Variants in TRDN observed in about 807,000 individuals in gnomAD.
The protein encoded by TRDN is triadin in skeletal muscle.
In TRDN, 161 loss-of-function variants were observed where a neutral mutation model predicts 149.7. The ratio of observed to expected loss-of-function variants is 1.08; its 90% confidence interval spans 0.95 to 1.23. The LOEUF (loss-of-function observed/expected upper bound fraction) is 1.23, where lower values mean the gene tolerates loss of function less well. TRDN is among the 50% of genes most tolerant of loss of function. TRDN has a pLI of 0.00. For missense variants in TRDN, 896 were observed against 823.5 expected, an observed-to-expected ratio of 1.09 and a Z score of -1.08; for synonymous variants, 294 against 250.5, an observed-to-expected ratio of 1.17 and a Z score of -1.64.
At chr6:123,611,041 A>T (rs1326739390) in intron 1 of TRDN, among the ~76,000 whole-genome samples, 3 of 152,266 alleles carry the variant, frequency 2.0e-5, no homozygotes, top group Non-Finnish European at 4.4e-5. Context: ...GAAAAATAAC[A>T]CAAGGGCCCA....
At chr6:123,583,308 G>T (rs9375270) in intron 1 of TRDN, among the ~76,000 whole-genome samples, 17,773 of 150,688 alleles carry the variant, frequency 0.12, 1,137 homozygotes, top group African/African-American at 0.17. Flanking sequence ...ACAAGTTTTT[G>T]GGGGGCACAG....
chr6:123,278,247 T>C (rs1582813770), intron 26 of TRDN, 71 bp downstream of exon 26: 1 of 1,065,638 alleles, frequency 9.4e-7, no homozygotes, highest in Non-Finnish European at 1.3e-6. Flanking sequence ...GACATGACAT[T>C]TGCAAAGAGA....
intron 9 of TRDN, among the ~76,000 whole-genome samples, chr6:123,492,140 T>C (rs899361310): frequency 6.6e-6 from 1 of 152,092 alleles, no homozygotes; most frequent in African/African-American, 2.4e-5. Context: ...CAGAGAAGAT[T>C]CTGATAGGTG....
intron 38 of TRDN, among the ~76,000 whole-genome samples, chr6:123,231,497 T>A (rs1775599583): frequency 6.6e-6 from 1 of 151,940 alleles, no homozygotes; most frequent in African/African-American, 2.4e-5. Context: ...GAATATAGAA[T>A]GTTCAATTGG....
intron 24 of TRDN, among the ~76,000 whole-genome samples, chr6:123,306,787 C>T (rs1406446676): frequency 1.3e-5 from 2 of 151,980 alleles, no homozygotes; most frequent in Non-Finnish European, 2.9e-5. Flanking sequence ...TCATGAATTG[C>T]TATTCTTTCT....
chr6:123,473,347 A>G (rs1400483053), intron 9 of TRDN, among the ~76,000 whole-genome samples: 1 of 152,060 alleles, frequency 6.6e-6, no homozygotes, highest in Non-Finnish European at 1.5e-5. Flanking sequence ...GGTATCAGCA[A>G]TGGAAGATGA....
intron 24 of TRDN, among the ~76,000 whole-genome samples, chr6:123,289,011 T>TG (rs35592999): frequency 1.4e-5 from 2 of 147,014 alleles, no homozygotes; most frequent in African/African-American, 5.1e-5. Context: ...TTTAAAAATG[T>TG]GGGGGGTGTG....
At chr6:123,609,357 C>G (rs910194032) in intron 1 of TRDN, among the ~76,000 whole-genome samples, 26 of 151,798 alleles carry the variant, frequency 1.7e-4, no homozygotes, top group African/African-American at 6.3e-4. Flanking sequence ...TCAGCATAAC[C>G]CCATTTTTGT....
At chr6:123,337,462 G>C (rs547542763) in intron 22 of TRDN, among the ~76,000 whole-genome samples, 157 bp downstream of exon 22, 2 of 151,782 alleles carry the variant, frequency 1.3e-5, no homozygotes, top group African/African-American at 4.8e-5. Context: ...AATAATTTTA[G>C]AGACAAACAA....
intron 7 of TRDN, among the ~76,000 whole-genome samples, chr6:123,507,195 G>T (rs1778970057): frequency 6.6e-6 from 1 of 151,770 alleles, no homozygotes; most frequent in African/African-American, 2.4e-5. Flanking sequence ...TAATTTGTAT[G>T]AAATTGTTAT....
rs529403860 is a variant in TRDN, at chr6:123,405,273, A to G, written c.1052-11596T>C. On this transcript the variant is annotated intron_variant, in intron 12 of 40. Transcript: ENST00000334268. ...AGCAAGTGAGTAAATGCTAGTACAA[A>G]AAAACAATTTCCCACATACTGTGGT... is the stretch of plus-strand genomic sequence containing the variant. Among the ~76,000 whole-genome samples the G allele has an allele frequency of 5.3e-5, 8 of 152,334 alleles. No individual in the cohort carries two copies. In the East Asian group the frequency reaches 1.4e-3, roughly 26 times the overall value.
intron 24 of TRDN, among the ~76,000 whole-genome samples, chr6:123,284,795 G>A (rs1428489132): frequency 3.3e-5 from 5 of 152,038 alleles, no homozygotes; most frequent in African/African-American, 1.2e-4. Context: ...CCCTAGAACT[G>A]ATAAATGAAT....
intron 38 of TRDN, among the ~76,000 whole-genome samples, chr6:123,251,509 C>T (rs1776371057): frequency 6.6e-6 from 1 of 151,742 alleles, no homozygotes; most frequent in African/African-American, 2.4e-5. Flanking sequence ...TAAAATATTA[C>T]TAAAATTATT....
intron 12 of TRDN, among the ~76,000 whole-genome samples, chr6:123,405,026 T>C (rs1446278912): frequency 6.6e-6 from 1 of 152,216 alleles, no homozygotes; most frequent in African/African-American, 2.4e-5. Flanking sequence ...AAGCTAAGGT[T>C]ACTGAATATT....
chr6:123,569,131 C>T (rs1021254174), intron 2 of TRDN, among the ~76,000 whole-genome samples: 1 of 152,190 alleles, frequency 6.6e-6, no homozygotes, highest in Non-Finnish European at 1.5e-5. Context: ...CCAGCAGATA[C>T]ACTACATCAT....
At chr6:123,344,131 G>A (rs1377698536) in intron 21 of TRDN, among the ~76,000 whole-genome samples, 1 of 151,902 alleles carries the variant, frequency 6.6e-6, no homozygotes, top group East Asian at 1.9e-4. Flanking sequence ...AAGTTTTGTT[G>A]TTTATAAGCC....
At chr6:123,366,275 G>T in intron 19 of TRDN, 93 bp from the exon 20 acceptor site, 2 of 1,281,334 alleles carry the variant, frequency 1.6e-6, no homozygotes, top group East Asian at 2.5e-5. Context: ...AAGATAAAAT[G>T]TATGTTGCAC....
At chr6:123,464,882 T>C in intron 10 of TRDN, 24 bp downstream of exon 10, 1 of 1,558,556 alleles carries the variant, frequency 6.4e-7, no homozygotes, top group South Asian at 1.2e-5. Context: ...AATAGAGATC[T>C]TTAAGAAAAA....
chr6:123,419,936 T>C (rs115417802), intron 12 of TRDN, among the ~76,000 whole-genome samples: 249 of 152,298 alleles, frequency 1.6e-3, no homozygotes, highest in African/African-American at 5.7e-3. Flanking sequence ...AATGAATGTG[T>C]GCACTTCTGT....
Sources: allele counts gnomAD v4.1 joint callset (sites outside exome capture counted in the v4.1 genomes callset), GRCh38; gene constraint gnomAD v4.1.1; transcripts MANE v1.5; gene names NCBI Gene and HGNC (gene_info 2026-07-23, HGNC 2026-07-21).